POLE2: variants seen among roughly 807,000 people sequenced by gnomAD.
POLE2 encodes DNA polymerase epsilon subunit 2.
In POLE2, 56 loss-of-function variants were observed where a neutral mutation model predicts 79.4. The observed-to-expected ratio is 0.71, with a 90% CI of 0.57 to 0.88. POLE2 has a LOEUF of 0.88. POLE2 is among the 40% of genes least tolerant of loss of function. The pLI, the probability that POLE2 is intolerant of heterozygous loss-of-function variation, is 0.00. For synonymous variants in POLE2, 212 were observed against 214.0 expected (o/e 0.99, Z 0.08); for missense variants, 598 against 638.9 (o/e 0.94, Z 0.69).
intron 1 of POLE2, among the ~76,000 whole-genome samples, chr14:49,684,100 T>C (rs1043392545): frequency 2.0e-5 from 3 of 152,238 alleles, no homozygotes; most frequent in Non-Finnish European, 2.9e-5. Context: ...CACTCATATA[T>C]TTAATTTGAT....
intron 5 of POLE2, 120 bp downstream of exon 5, chr14:49,674,003 A>T: frequency 1.4e-6 from 1 of 701,630 alleles, no homozygotes; most frequent in Non-Finnish European, 2.6e-6. Context: ...TTATTGAATG[A>T]CCAACTTTGG....
At chr14:49,680,744 C>CAAGT (rs1441782932) in intron 2 of POLE2, among the ~76,000 whole-genome samples, 1 of 151,708 alleles carries the variant, frequency 6.6e-6, no homozygotes. Flanking sequence ...TACACAGGGA[C>CAAGT]AAGTATCATT....
At chr14:49,662,357 G>C (rs1273967261) in intron 10 of POLE2, among the ~76,000 whole-genome samples, 1 of 152,238 alleles carries the variant, frequency 6.6e-6, no homozygotes, top group Non-Finnish European at 1.5e-5. Context: ...GAGTACAGTG[G>C]TGCGATCTCG....
chr14:49,666,813 T>C (rs749906038), intron 6 of POLE2, among the ~76,000 whole-genome samples: 2 of 152,208 alleles, frequency 1.3e-5, no homozygotes, highest in African/African-American at 2.4e-5. Flanking sequence ...TTACTTAGTA[T>C]TTTAAAAGGC....
intron 10 of POLE2, among the ~76,000 whole-genome samples, chr14:49,658,896 C>CT (rs960312569): frequency 1.8e-4 from 27 of 148,400 alleles, no homozygotes; most frequent in African/African-American, 4.2e-4. Flanking sequence ...AGTCCTTCTA[C>CT]TTTTTTTTTT....
At chr14:49,677,767 AGT>A in intron 3 of POLE2, 1 of 1,101,356 alleles carries the variant, frequency 9.1e-7, no homozygotes, top group South Asian at 1.9e-5. Flanking sequence ...ATTCTTCAGG[AGT>A]GTGGCAGCTC....
intron 10 of POLE2, among the ~76,000 whole-genome samples, chr14:49,659,448 T>C (rs1478294495): frequency 6.6e-6 from 1 of 152,116 alleles, no homozygotes; most frequent in African/African-American, 2.4e-5. Flanking sequence ...AAAATCAGGA[T>C]ACAAAGAAAC....
At chr14:49,687,797 TC>T (rs1887264283) in intron 1 of POLE2, among the ~76,000 whole-genome samples, 1 of 151,896 alleles carries the variant, frequency 6.6e-6, no homozygotes, top group African/African-American at 2.4e-5. Context: ...CCTCCCGGGT[TC>T]AAGCGATTCT....
At chr14:49,687,244 G>A (rs1358091404) in intron 1 of POLE2, among the ~76,000 whole-genome samples, 2 of 150,270 alleles carry the variant, frequency 1.3e-5, no homozygotes, top group Non-Finnish European at 3.0e-5. Flanking sequence ...CAGCTTGGGC[G>A]AGAGTGAGAC....
intron 2 of POLE2, among the ~76,000 whole-genome samples, 185 bp from the exon 3 acceptor site, chr14:49,679,985 TC>T (rs1015307505): frequency 6.6e-6 from 1 of 152,220 alleles, no homozygotes; most frequent in African/African-American, 2.4e-5. Flanking sequence ...ACCTTCATTT[TC>T]CACACTCAAA....
intron 9 of POLE2, 80 bp from the exon 10 acceptor site, chr14:49,663,467 A>G (rs989400283): frequency 1.2e-5 from 11 of 913,502 alleles, no homozygotes; most frequent in Admixed American, 2.1e-5. Flanking sequence ...CAAAGCAATA[A>G]TGCCAGGCTA....
rs751338245 is a variant in POLE2, at chr14:49,650,285, C to G, written c.1477G>C (p.Glu493Gln). ...KYDPFTTTNT[E>Q]CLCINPGSFP... The stretch of plus-strand genomic sequence containing the variant: ...CTTACAGGGTTTATGCAGAGGCATT[C>G]GGTATTTGTCGTAGTGAAAGGATCA... The change falls in exon 17 of 19, where the codon GAA becomes CAA. Residue 493 changes from glutamate (E) to glutamine (Q), a missense_variant. Physicochemically the swap from Glu to Gln is conservative, Grantham distance 29 (BLOSUM62 2). Coordinates refer to ENST00000216367, the MANE Select transcript of POLE2 (RefSeq NM_002692.4). 1 of 1,599,324 alleles carries G rather than the reference C, an allele frequency of 6.3e-7. No homozygotes were observed. Among genetic ancestry groups the G allele is most frequent in the Non-Finnish European group, 8.5e-7 (1 of 1,171,080 alleles).
At chr14:49,674,086 A>T in intron 5 of POLE2, 37 bp downstream of exon 5, 1 of 1,112,688 alleles carries the variant, frequency 9.0e-7, no homozygotes, top group Non-Finnish European at 1.4e-6. Context: ...CTCTCATTTT[A>T]CCCAGTATCC....
intron 6 of POLE2, among the ~76,000 whole-genome samples, chr14:49,667,431 A>G (rs1050398715): frequency 2.0e-5 from 3 of 152,170 alleles, no homozygotes; most frequent in Non-Finnish European, 4.4e-5. Context: ...TATTATACAT[A>G]TGACCATTTA....
chr14:49,649,081 C>A, intron 17 of POLE2, among the ~76,000 whole-genome samples: 1 of 146,030 alleles, frequency 6.8e-6, no homozygotes, highest in East Asian at 2.1e-4. Flanking sequence ...GTGTTTATGT[C>A]ATTGTTTATG....
chr14:49,676,371 G>C (rs1315301994), intron 3 of POLE2, among the ~76,000 whole-genome samples: 3 of 152,182 alleles, frequency 2.0e-5, no homozygotes, highest in Non-Finnish European at 2.9e-5. Flanking sequence ...GAGTGGCTGA[G>C]AATCACTGAA....
chr14:49,686,453 G>A (rs1165243938), intron 1 of POLE2, among the ~76,000 whole-genome samples: 1 of 152,150 alleles, frequency 6.6e-6, no homozygotes, highest in Non-Finnish European at 1.5e-5. Context: ...GAATGAGCTT[G>A]AAGCGAATGC....
At chr14:49,645,530 A>C (rs1224424046) in intron 18 of POLE2, among the ~76,000 whole-genome samples, 1 of 152,236 alleles carries the variant, frequency 6.6e-6, no homozygotes, top group African/African-American at 2.4e-5. Context: ...ATACAAAATT[A>C]TAGTTTGGAA....
intron 17 of POLE2, 86 bp from the exon 18 acceptor site, chr14:49,647,446 T>C (rs1025097720): frequency 6.4e-6 from 3 of 466,120 alleles, no homozygotes; most frequent in African/African-American, 6.2e-5. Context: ...ATATTTTTTA[T>C]TTTTTATTTT....
Sources: allele counts gnomAD v4.1 joint callset (sites outside exome capture counted in the v4.1 genomes callset), GRCh38; gene constraint gnomAD v4.1.1; transcripts MANE v1.5; gene names NCBI Gene and HGNC (gene_info 2026-07-23, HGNC 2026-07-21).